SMAD3: variants seen among roughly 807,000 people sequenced by gnomAD.
SMAD3 encodes the protein SMAD family member 3.
Under a neutral mutation model 51.8 loss-of-function variants are expected in SMAD3, and 12 were observed. That is an observed-to-expected ratio of 0.23 (90% confidence interval 0.15 to 0.38). The LOEUF (loss-of-function observed/expected upper bound fraction) is 0.38. SMAD3 is among the 10% of genes least tolerant of loss of function. The pLI is 1.00. For missense variants in SMAD3, 294 were observed against 565.6 expected (o/e 0.52, Z 4.87); for synonymous variants, 238 against 227.7 (o/e 1.05, Z -0.41).
chr15:67,182,986 T>TAA lies in SMAD3; in HGVS notation c.871+1547_871+1548dup, dbSNP rs35277759. Reference sequence around the variant, plus strand: ...CAACTGGCTTTTTTCTATATTTTATTAAAAAAAAAAAAAAATATATATATA... The same window carrying TAA: ...CAACTGGCTTTTTTCTATATTTTATTAAAAAAAAAAAAAAAAATATATATATA... On this transcript the variant is annotated intron_variant, in intron 6 of 8. Coordinates refer to ENST00000327367, the MANE Select transcript of SMAD3 (RefSeq NM_005902.4). Among the ~76,000 whole-genome samples the TAA allele has an allele frequency of 2.9e-3, 137 of 48,006 alleles. 1 individual carries two copies. Among genetic ancestry groups the TAA allele is most frequent in the African/African-American group, 6.9e-3 (68 of 9,844 alleles). 31.5% of individuals were successfully genotyped at this position (48,006 alleles called of 152,430 possible). A position where few individuals can be genotyped will look rare whatever the true frequency, so the allele number is the denominator to read the frequency against.
chr15:67,098,653 C>T (rs1348082803), intron 1 of SMAD3: 6 of 542,194 alleles, frequency 1.1e-5, no homozygotes, highest in Non-Finnish European at 2.0e-5. Context: ...CCGCGTTTTT[C>T]TCCTGCCACA....
At chr15:67,121,520 A>G (rs1239047584) in intron 1 of SMAD3, among the ~76,000 whole-genome samples, 1 of 152,070 alleles carries the variant, frequency 6.6e-6, no homozygotes, top group Non-Finnish European at 1.5e-5. Flanking sequence ...GGTTTTGTTG[A>G]AGAGAGAGCT....
chr15:67,160,464 ATC>A (rs1248132950), intron 1 of SMAD3, among the ~76,000 whole-genome samples: 1 of 152,152 alleles, frequency 6.6e-6, no homozygotes, highest in Admixed American at 6.5e-5. Context: ...CAAATCATGT[ATC>A]TCTTTTTTAA....
intron 1 of SMAD3, among the ~76,000 whole-genome samples, chr15:67,097,621 A>G (rs1262037464): frequency 2.6e-5 from 4 of 152,142 alleles, no homozygotes; most frequent in Non-Finnish European, 4.4e-5. Context: ...TTACCCATCT[A>G]TAAAATGGGT....
intron 5 of SMAD3, among the ~76,000 whole-genome samples, chr15:67,175,675 G>A (rs1314251353): frequency 6.6e-6 from 1 of 152,200 alleles, no homozygotes; most frequent in Non-Finnish European, 1.5e-5. Flanking sequence ...TCAGGGTTAG[G>A]ATTCTGGGTG....
chr15:67,185,774 C>G (rs1283079660), intron 7 of SMAD3, among the ~76,000 whole-genome samples: 2 of 152,154 alleles, frequency 1.3e-5, no homozygotes, highest in African/African-American at 4.8e-5. Context: ...GCAGAAAGCC[C>G]CAGCCAAAGT....
intron 1 of SMAD3, among the ~76,000 whole-genome samples, chr15:67,128,611 G>A (rs113446070): frequency 9.9e-5 from 15 of 151,876 alleles, no homozygotes; most frequent in African/African-American, 2.9e-4. Flanking sequence ...TTGCTTTGTC[G>A]CCCAGGCTGG....
At chr15:67,169,111 T>C (rs1441528321) in intron 4 of SMAD3, among the ~76,000 whole-genome samples, 3 of 152,226 alleles carry the variant, frequency 2.0e-5, no homozygotes, top group Non-Finnish European at 4.4e-5. Flanking sequence ...AATTTTTACA[T>C]GTCACACAGT....
intron 1 of SMAD3, among the ~76,000 whole-genome samples, chr15:67,143,939 G>C (rs531497687): frequency 6.6e-6 from 1 of 150,832 alleles, no homozygotes; most frequent in East Asian, 1.9e-4. Context: ...AGAGTGCTGG[G>C]ATTACTGGTA....
chr15:67,104,133 G>T (rs1025660234), intron 1 of SMAD3, among the ~76,000 whole-genome samples: 1 of 152,086 alleles, frequency 6.6e-6, no homozygotes, highest in Non-Finnish European at 1.5e-5. Flanking sequence ...CAGGATTTTC[G>T]TCTGCCCCCC....
intron 1 of SMAD3, among the ~76,000 whole-genome samples, chr15:67,080,335 A>C (rs961655309): frequency 6.6e-6 from 1 of 152,252 alleles, no homozygotes; most frequent in Non-Finnish European, 1.5e-5. Flanking sequence ...TAACTGGAGT[A>C]TGAGTTAGGG....
intron 1 of SMAD3, among the ~76,000 whole-genome samples, chr15:67,119,807 T>G (rs1164732944): frequency 6.6e-6 from 1 of 152,196 alleles, no homozygotes; most frequent in East Asian, 1.9e-4. Context: ...CTTTGAATTT[T>G]TTTTTTGGAG....
intron 1 of SMAD3, among the ~76,000 whole-genome samples, chr15:67,124,767 A>T (rs1483676448): frequency 2.0e-5 from 3 of 152,194 alleles, no homozygotes; most frequent in South Asian, 4.1e-4. Flanking sequence ...CTGTGCCTGA[A>T]TGAGGGGCAT....
intron 1 of SMAD3, among the ~76,000 whole-genome samples, chr15:67,077,219 C>CTGTA (rs563181664): frequency 2.8e-3 from 418 of 151,822 alleles, no homozygotes; most frequent in Non-Finnish European, 4.9e-3. Flanking sequence ...GCAGGCATTT[C>CTGTA]TGTATGTATG....
chr15:67,069,208 C>A (rs1959997140), intron 1 of SMAD3, among the ~76,000 whole-genome samples: 1 of 152,166 alleles, frequency 6.6e-6, no homozygotes, highest in Non-Finnish European at 1.5e-5. Context: ...GCGTGATACA[C>A]ACTTATCGAC....
rs1960705782 is a variant in SMAD3 at position 67,099,673 on chromosome 15, G to GTGA, written c.206+33317_206+33319dup. ...CAGCCTATTGATTCCCAAGTAAGGT[G>GTGA]TGATGACACCACCACCAGCGAGGTG... On this transcript the variant is annotated intron_variant, in intron 1 of 8. Transcript: ENST00000327367. Among the ~76,000 whole-genome samples the GTGA allele has an allele frequency of 2.0e-5, 3 of 152,192 alleles. No individual in the cohort carries two copies. In the South Asian group the frequency reaches 6.2e-4, roughly 32 times the overall value.
At chr15:67,089,902 G>A (rs1445819622) in intron 1 of SMAD3, among the ~76,000 whole-genome samples, 5 of 152,210 alleles carry the variant, frequency 3.3e-5, no homozygotes, top group Admixed American at 2.0e-4. Flanking sequence ...CATGTTGGGG[G>A]TGGGGAAGCA....
intron 1 of SMAD3, among the ~76,000 whole-genome samples, chr15:67,153,353 G>T (rs528774883): frequency 2.0e-5 from 3 of 152,138 alleles, no homozygotes; most frequent in African/African-American, 7.2e-5. Flanking sequence ...TTAGCCAGGC[G>T]TGGTGGTGCA....
intron 1 of SMAD3, among the ~76,000 whole-genome samples, chr15:67,133,642 A>G (rs1481936069): frequency 1.3e-5 from 2 of 152,186 alleles, no homozygotes; most frequent in African/African-American, 4.8e-5. Flanking sequence ...TCAGGGACCA[A>G]CACACAGAAC....
Sources: allele counts gnomAD v4.1 joint callset (sites outside exome capture counted in the v4.1 genomes callset), GRCh38; gene constraint gnomAD v4.1.1; transcripts MANE v1.5; gene names NCBI Gene and HGNC (gene_info 2026-07-23, HGNC 2026-07-21).